PREX1: variants seen among roughly 807,000 people sequenced by gnomAD.
PREX1 encodes the protein phosphatidylinositol-3,4,5-trisphosphate dependent Rac exchange factor 1, also known as phosphatidylinositol 3,4,5-trisphosphate-dependent Rac exchanger 1 protein.
Under a neutral mutation model 198.3 loss-of-function variants are expected in PREX1, and 41 were observed. The ratio of observed to expected loss-of-function variants is 0.21; its 90% CI spans 0.16 to 0.27. The LOEUF (loss-of-function observed/expected upper bound fraction) is 0.27, where lower values mean the gene tolerates loss of function less well. PREX1 is among the 10% of genes least tolerant of loss of function. The probability of loss-of-function intolerance (pLI) is 1.00; values close to 1 mark genes in which losing one functional copy is unlikely to be tolerated. For synonymous variants in PREX1, 843 were observed against 887.2 expected, an observed-to-expected ratio of 0.95 and a Z score of 0.89; for missense variants, 1,620 against 2,200.7, an observed-to-expected ratio of 0.74 and a Z score of 5.28.
intron 1 of PREX1, among the ~76,000 whole-genome samples, chr20:48,792,815 A>ATACACACACACAC (rs758333598): frequency 5.8e-4 from 44 of 75,848 alleles, no homozygotes; most frequent in Admixed American, 2.9e-3. Context: ...AAAAAAAAAA[A>ATACACACACACAC]ATACACACAC....
chr20:48,625,928 C>A lies in PREX1; in HGVS notation c.4938-1G>T. ...CGGCGGCTGGCAGAGGCGGTAGAGG[C>A]TGGGGATGGAGGCAAAGAGAATGAG... On this transcript the variant is annotated splice_acceptor_variant, in intron 39 of 39. Coordinates refer to ENST00000371941, the MANE Select transcript of PREX1 (RefSeq NM_020820.4). LOFTEE classifies it high-confidence loss of function. 6.4e-7 allele frequency: 1 copy of A among 1,554,490 alleles called. No individual in the cohort carries two copies. The highest frequency in any genetic ancestry group is 2.0e-5 in the Admixed American group (1 of 49,378).
the PREX1 span, among the ~76,000 whole-genome samples, chr20:48,872,780 T>C: frequency 6.6e-6 from 1 of 151,730 alleles, no homozygotes; most frequent in East Asian, 1.9e-4. Flanking sequence ...AATAACAAAA[T>C]AAGCAATGGG....
chr20:48,870,746 G>A, the PREX1 span, among the ~76,000 whole-genome samples: 3 of 150,784 alleles, frequency 2.0e-5, no homozygotes, highest in East Asian at 2.0e-4. Context: ...TCAGGAATTC[G>A]AGACCTACCT....
chr20:48,756,869 A>G (rs1430387208), intron 1 of PREX1, among the ~76,000 whole-genome samples: 1 of 152,246 alleles, frequency 6.6e-6, no homozygotes, highest in East Asian at 1.9e-4. Context: ...AGGAGGCCTC[A>G]CAATCAAGGC....
At chr20:48,754,146 A>G (rs2122810210) in intron 1 of PREX1, among the ~76,000 whole-genome samples, 1 of 152,348 alleles carries the variant, frequency 6.6e-6, no homozygotes, top group East Asian at 1.9e-4. Context: ...GGGAGAGGCA[A>G]CTAGAATAAG....
chr20:48,705,483 A>G (rs775755679), intron 6 of PREX1, among the ~76,000 whole-genome samples: 2 of 152,236 alleles, frequency 1.3e-5, no homozygotes, highest in Non-Finnish European at 2.9e-5. Flanking sequence ...CTTTCAAGAG[A>G]GAGATGACAG....
At chr20:48,656,621 C>G (rs2089545677) in intron 18 of PREX1, 1 of 448,528 alleles carries the variant, frequency 2.2e-6, no homozygotes, top group Non-Finnish European at 4.5e-6. Flanking sequence ...TGCTTCGGGT[C>G]TTCACCCCGA....
chr20:48,723,600 G>A (rs908504281), intron 5 of PREX1, among the ~76,000 whole-genome samples: 42 of 152,270 alleles, frequency 2.8e-4, no homozygotes, highest in African/African-American at 9.6e-4. Context: ...GAAACAAGGC[G>A]TGCCCCGACG....
chr20:48,719,541 G>C (rs1758619146), intron 5 of PREX1, among the ~76,000 whole-genome samples: 1 of 152,102 alleles, frequency 6.6e-6, no homozygotes, highest in African/African-American at 2.4e-5. Context: ...CAGCAAGACG[G>C]TGACAATGCC....
the PREX1 span, among the ~76,000 whole-genome samples, chr20:48,861,938 G>A: frequency 5.9e-5 from 9 of 152,070 alleles, no homozygotes; most frequent in African/African-American, 1.4e-4. Context: ...GGCCAGGCGC[G>A]GTGGCTCACA....
chr20:48,748,001 G>A, intron 1 of PREX1, 121 bp from the exon 2 acceptor site: 1 of 850,046 alleles, frequency 1.2e-6, no homozygotes, highest in East Asian at 2.7e-5. Context: ...CGAGTCCAGG[G>A]ACACAGGCAG....
chr20:48,852,274 G>C, the PREX1 span, among the ~76,000 whole-genome samples: 1 of 151,988 alleles, frequency 6.6e-6, no homozygotes, highest in African/African-American at 2.4e-5. Context: ...AATGACTCAA[G>C]CAGTATATAA....
At chr20:48,860,483 C>T in the PREX1 span, among the ~76,000 whole-genome samples, 4 of 152,180 alleles carry the variant, frequency 2.6e-5, no homozygotes, top group African/African-American at 7.2e-5. Context: ...GTACTTAACG[C>T]GTCTGAACTG....
chr20:48,849,277 A>G, the PREX1 span, among the ~76,000 whole-genome samples: 2 of 152,214 alleles, frequency 1.3e-5, no homozygotes, highest in African/African-American at 4.8e-5. Context: ...GTGATTATAT[A>G]TGTGTCTCCA....
At chr20:48,668,627 C>T (rs935489442) in intron 14 of PREX1, among the ~76,000 whole-genome samples, 25 of 152,192 alleles carry the variant, frequency 1.6e-4, no homozygotes, top group African/African-American at 5.1e-4. Flanking sequence ...CAGGACTCAG[C>T]CCTGGGCAGA....
chr20:48,830,017 G>A (rs776853621), upstream of PREX1, among the ~76,000 whole-genome samples: 19 of 152,048 alleles, frequency 1.2e-4, no homozygotes, highest in African/African-American at 7.2e-5. Context: ...ACATTTAGCC[G>A]CGTCCCCTAC....
Position 48,636,583 on chromosome 20 carries a change from G to C in PREX1, c.4047C>G (p.Arg1349=), listed in dbSNP as rs760863468. The change falls in exon 32 of 40, where the codon CGC becomes CGG. Residue 1349 remains arginine, a synonymous_variant. Transcript: ENST00000371941. ...CCTCGTACTCGCCATTGTTGTTGTA[G>C]CGGTAGCCCAGGGCCGCCAGCAGCT... is the stretch of plus-strand genomic sequence containing the variant. The part of the protein sequence containing the change: ...SKQLLAALGY[R]YNNNGEYEES... 6.2e-7 allele frequency: 1 copy of C among 1,611,800 alleles called. No individual in the cohort carries two copies. Among genetic ancestry groups the C allele is most frequent in the Non-Finnish European group, 8.5e-7 (1 of 1,179,682 alleles).
chr20:48,722,624 C>T (rs552854684), intron 5 of PREX1, among the ~76,000 whole-genome samples: 1 of 152,194 alleles, frequency 6.6e-6, no homozygotes, highest in Non-Finnish European at 1.5e-5. Flanking sequence ...GGTAAACAAA[C>T]GGCCAGAGGA....
At chr20:48,739,575 T>C (rs1437601300) in intron 3 of PREX1, among the ~76,000 whole-genome samples, 1 of 152,214 alleles carries the variant, frequency 6.6e-6, no homozygotes, top group African/African-American at 2.4e-5. Flanking sequence ...TGCACTGGCA[T>C]CTGAAATGAC....
Sources: gnomAD v4.1 joint callset for allele counts (sites outside exome capture counted in the v4.1 genomes callset) on GRCh38, gnomAD v4.1.1 for gene constraint, MANE v1.5 for transcripts, NCBI Gene and HGNC (gene_info 2026-07-23, HGNC 2026-07-21) for gene names.